FBXO7: variants seen among roughly 807,000 people sequenced by gnomAD.
FBXO7 encodes the protein F-box only protein 7.
Under a neutral mutation model 50.2 loss-of-function variants are expected in FBXO7, and 31 were observed. The observed-to-expected ratio is 0.62, with a 90% CI of 0.46 to 0.83. The LOEUF is 0.83. FBXO7 is among the 40% of genes least tolerant of loss of function. The pLI is 0.00. For synonymous variants in FBXO7, 256 were observed against 253.1 expected (o/e 1.01, Z -0.11); for missense variants, 667 against 646.6 (o/e 1.03, Z -0.34).
intron 8 of FBXO7, 81 bp from the exon 9 acceptor site, chr22:32,498,063 C>A: frequency 6.8e-7 from 1 of 1,469,934 alleles, no homozygotes; most frequent in Non-Finnish European, 9.5e-7. Context: ...TAGATCTTTA[C>A]TATGAAAGCA....
chr22:32,475,480 A>C, intron 1 of FBXO7: 38 of 1,553,646 alleles, frequency 2.4e-5, no homozygotes, highest in African/African-American at 2.8e-5. Context: ...GTTAGATTTC[A>C]AGTTGGAAAT....
chr22:32,479,178 C>A lies in FBXO7; in HGVS notation c.320C>A (p.Ala107Asp). 3 of 1,614,062 alleles carry A rather than the reference C, an allele frequency of 1.9e-6. No homozygotes were observed. The highest frequency in any genetic ancestry group is 2.5e-6 in the Non-Finnish European group (3 of 1,180,018). ...CAGAATAATGAGCAACCCTCTTTGG[C>A]CACCAGCTCCAATCAGACTAGCATG... is the stretch of plus-strand genomic sequence containing the variant. ...SLQNNEQPSL[A>D]TSSNQTSMQD... Residue 107 changes from alanine (A) to aspartate (D), a missense_variant, in exon 2 of 9, where the codon GCC becomes GAC. Coordinates refer to ENST00000266087, the MANE Select transcript of FBXO7 (RefSeq NM_012179.4).
intron 8 of FBXO7, 53 bp downstream of exon 8, chr22:32,495,583 G>A: frequency 1.0e-6 from 1 of 985,190 alleles, no homozygotes; most frequent in African/African-American, 1.6e-5. Context: ...AATGACTAGT[G>A]AATTAATATA....
Position 32,487,821 on chromosome 22 carries a change from G to T in FBXO7, c.864G>T (p.Glu288Asp), listed in dbSNP as rs769822723. 2 of 1,587,904 alleles carry T rather than the reference G, an allele frequency of 1.3e-6. No homozygotes were observed. Among genetic ancestry groups the T allele is most frequent in the South Asian group, 2.2e-5 (2 of 90,298 alleles). The change falls in exon 5 of 9, where the codon GAG becomes GAT. Residue 288 changes from glutamate to aspartate, a missense_variant. Glu to Asp is a conservative substitution (Grantham distance 45). Transcript: ENST00000266087. ...TACCAGAATCTTTTATTTGCAAAGAGAAACTAGGTAATACAAACATTATTT... is the reference window on the plus strand; with the variant it reads ...TACCAGAATCTTTTATTTGCAAAGATAAACTAGGTAATACAAACATTATTT... ...QLLPESFICK[E>D]KLGENVANIY...
At chr22:32,491,208 T>C (rs2057533286) in intron 6 of FBXO7, 27 bp downstream of exon 6, 1 of 1,422,254 alleles carries the variant, frequency 7.0e-7, no homozygotes, top group South Asian at 1.1e-5. Flanking sequence ...TGTCACAATT[T>C]AAATGACTGT....
chr22:32,483,737 C>T (rs756971831), intron 2 of FBXO7, among the ~76,000 whole-genome samples, 160 bp from the exon 3 acceptor site: 1 of 152,098 alleles, frequency 6.6e-6, no homozygotes, highest in South Asian at 2.1e-4. Flanking sequence ...AAGAGTAGGT[C>T]GCAGGCTTAT....
At chr22:32,486,389 A>G (rs1187496519) in intron 4 of FBXO7, among the ~76,000 whole-genome samples, 1 of 152,058 alleles carries the variant, frequency 6.6e-6, no homozygotes, top group Non-Finnish European at 1.5e-5. Context: ...GCTGGAGTGC[A>G]GTAGGCAGAG....
At chr22:32,483,551 A>T (rs752616221) in intron 2 of FBXO7, among the ~76,000 whole-genome samples, 1 of 152,202 alleles carries the variant, frequency 6.6e-6, no homozygotes, top group Non-Finnish European at 1.5e-5. Context: ...GAGAGTTTGA[A>T]GTGCCAATAG....
intron 2 of FBXO7, among the ~76,000 whole-genome samples, chr22:32,482,385 A>C (rs940720947): frequency 6.6e-6 from 1 of 152,180 alleles, no homozygotes; most frequent in Non-Finnish European, 1.5e-5. Flanking sequence ...ATACTGTGTA[A>C]TTTTAATTTC....
chr22:32,486,387 G>A (rs997373312), intron 4 of FBXO7, among the ~76,000 whole-genome samples: 1 of 152,084 alleles, frequency 6.6e-6, no homozygotes, highest in East Asian at 1.9e-4. Flanking sequence ...AGGCTGGAGT[G>A]CAGTAGGCAG....
chr22:32,485,028 C>T (rs767253466), intron 3 of FBXO7, 40 bp from the exon 4 acceptor site: 26 of 1,613,542 alleles, frequency 1.6e-5, no homozygotes, highest in Non-Finnish European at 2.0e-5. Context: ...AGAGTAACAC[C>T]TTTCTTCATT....
chr22:32,479,587 G>A (rs1438986169), intron 2 of FBXO7, among the ~76,000 whole-genome samples: 2 of 151,968 alleles, frequency 1.3e-5, no homozygotes, highest in African/African-American at 4.8e-5. Flanking sequence ...AGTAGAGACG[G>A]GGTTTCAGCA....
At chr22:32,485,038 T>A (rs575579221) in intron 3 of FBXO7, 30 bp from the exon 4 acceptor site, 2 of 1,613,800 alleles carry the variant, frequency 1.2e-6, no homozygotes, top group Non-Finnish European at 1.7e-6. Flanking sequence ...CTTTCTTCAT[T>A]ATTTGTTTCC....
chr22:32,498,630 G>A lies in FBXO7; in HGVS notation c.*100G>A, dbSNP rs1297673169. 2 of 1,417,368 alleles carry A rather than the reference G, an allele frequency of 1.4e-6. No homozygotes were observed. Among genetic ancestry groups the A allele is most frequent in the South Asian group, 2.5e-5 (2 of 81,458 alleles). The allele number at this position is 1,417,368 out of a possible 1,614,324, so 87.8% of individuals were successfully genotyped here. On this transcript the variant is annotated 3_prime_UTR_variant, in exon 9 of 9. Transcript: ENST00000266087. ...TGATCTCGAGTGTTATTTTCTGATTGTGGTGTTGAGAGTTGCACTCCCAGA... is the reference window on the plus strand; with the variant it reads ...TGATCTCGAGTGTTATTTTCTGATTATGGTGTTGAGAGTTGCACTCCCAGA...
At chr22:32,491,442 A>G in intron 6 of FBXO7, 1 of 405,750 alleles carries the variant, frequency 2.5e-6, no homozygotes, top group African/African-American at 2.1e-5. Context: ...AAGGTTGGGA[A>G]TACCTTGAAG....
intron 5 of FBXO7, chr22:32,490,541 T>G (rs968281308): frequency 6.5e-5 from 10 of 153,706 alleles, no homozygotes; most frequent in African/African-American, 2.4e-4. Context: ...CCACACGGAC[T>G]TGGGTTTGTG....
At chr22:32,495,063 C>A (rs1808944773) in intron 7 of FBXO7, among the ~76,000 whole-genome samples, 1 of 152,184 alleles carries the variant, frequency 6.6e-6, no homozygotes, top group South Asian at 2.1e-4. Flanking sequence ...GTCAGCTTGA[C>A]CTCCAGTAAT....
chr22:32,495,382 T>TCA, intron 7 of FBXO7, 111 bp from the exon 8 acceptor site: 1 of 580,190 alleles, frequency 1.7e-6, no homozygotes, highest in Non-Finnish European at 2.9e-6. Context: ...TTTTTTTTTT[T>TCA]TATGCTTAAC....
chr22:32,490,082 T>A (rs1056709362), intron 5 of FBXO7: 1 of 152,240 alleles, frequency 6.6e-6, no homozygotes, highest in African/African-American at 2.4e-5. Context: ...CTTCTTCTTA[T>A]CGATCCTGTT....
Sources: gnomAD v4.1 joint callset for allele counts (sites outside exome capture counted in the v4.1 genomes callset) on GRCh38, gnomAD v4.1.1 for gene constraint, MANE v1.5 for transcripts, NCBI Gene and HGNC (gene_info 2026-07-23, HGNC 2026-07-21) for gene names.